ZNF707: variants seen among roughly 807,000 people sequenced by gnomAD.
The protein encoded by ZNF707 is zinc finger protein 707.
Under a neutral mutation model 13.3 loss-of-function variants are expected in ZNF707, and 8 were observed. The ratio of observed to expected loss-of-function variants is 0.60; its 90% CI spans 0.35 to 1.09. The LOEUF (loss-of-function observed/expected upper bound fraction) is 1.09, where lower values mean the gene tolerates loss of function less well. Among genes scored for constraint, ZNF707 ranks in the 50% least tolerant of loss-of-function variants. ZNF707 has a pLI of 0.02. For synonymous variants in ZNF707, 225 were observed against 205.6 expected (o/e 1.09, Z -0.81); for missense variants, 530 against 512.6 (o/e 1.03, Z -0.33).
rs551699867 is a variant in ZNF707, at chr8:143,688,252, A to G, written c.-150-952A>G. ...TAACATTGTGATTAAAGTTGATGCT[A>G]TGCTGTTGAAAGAGTGAAAAAAAAA... On this transcript the variant is annotated intron_variant, in intron 1 of 5. Coordinates refer to ENST00000358656, the MANE Select transcript of ZNF707 (RefSeq NM_001100598.2). 5.9e-5 allele frequency among the ~76,000 whole-genome samples: 9 copies of G among 152,256 alleles called. No homozygotes were observed. In the South Asian group the frequency reaches 1.5e-3, roughly 25 times the overall value.
rs1479123073 is a variant in ZNF707, at chr8:143,695,371, C to G, written c.*841C>G. On this transcript the variant is annotated 3_prime_UTR_variant, in exon 6 of 6. Transcript: ENST00000358656. ...AATGGGTCGGGACACTGCCGTGTTT[C>G]AGGTTAGCCAATTATTTTTGCTTTT... 6 of 152,236 alleles carry G rather than the reference C, an allele frequency of 3.9e-5. No homozygotes were observed. Among genetic ancestry groups the G allele is most frequent in the African/African-American group, 1.4e-4 (6 of 41,450 alleles). 9.4% of individuals were successfully genotyped at this position (152,236 alleles called of 1,614,324 possible). A position where few individuals can be genotyped will look rare whatever the true frequency, so the allele number is the denominator to read the frequency against.
rs187956380 is a variant in ZNF707, at chr8:143,694,179, C to T, written c.765C>T (p.Thr255=). The T allele has an allele frequency of 7.6e-6, 12 of 1,574,482 alleles. No homozygotes were observed. The highest frequency in any genetic ancestry group is 6.9e-6 in the Non-Finnish European group (8 of 1,159,746). The change falls in exon 6 of 6, where the codon ACC becomes ACT. Residue 255 remains threonine (T), a synonymous_variant. Transcript: ENST00000358656. This position sits in a 1 kb window ranked among gnomAD's most constrained non-coding sequence, Gnocchi z 4.4. ...TGGCTCAGCACCGCAAGGTCCACAC[C>T]GAGCACAGGCCCTACTCGTGTGGCG... is the stretch of plus-strand genomic sequence containing the variant. The part of the protein sequence containing the change: ...DRLAQHRKVH[T]EHRPYSCGDC...
chr8:143,691,785 C>T (rs570031060), intron 5 of ZNF707, 72 bp downstream of exon 5: 20 of 1,321,256 alleles, frequency 1.5e-5, no homozygotes, highest in African/African-American at 8.8e-5. Flanking sequence ...GTGCTCAGCA[C>T]GCTGCAGTGA....
Position 143,694,165 on chromosome 8 carries a change from C to T in ZNF707, c.751C>T (p.Arg251Cys), listed in dbSNP as rs369778467. Residue 251 changes from arginine to cysteine, a missense_variant, in exon 6 of 6, where the codon CGC becomes TGC. Coordinates refer to ENST00000358656, the MANE Select transcript of ZNF707 (RefSeq NM_001100598.2). This position sits in a 1 kb window ranked among gnomAD's most constrained non-coding sequence, Gnocchi z 4.4. ...FSLKDRLAQHRKVHTEHRPYS... is the reference protein window; with the variant it reads ...FSLKDRLAQHCKVHTEHRPYS... ...CCTGAAGGACCGCCTGGCTCAGCAC[C>T]GCAAGGTCCACACCGAGCACAGGCC... 6 of 1,581,028 alleles carry T rather than the reference C, an allele frequency of 3.8e-6. No individual in the cohort carries two copies. The highest frequency in any genetic ancestry group is 2.3e-5 in the East Asian group (1 of 43,996).
In ZNF707 at chr8:143,694,167, C is replaced by T. The variant is rs781842650; in HGVS notation, c.753C>T (p.Arg251=). ...FSLKDRLAQH[R]KVHTEHRPYS... Reference sequence around the variant, plus strand: ...TGAAGGACCGCCTGGCTCAGCACCGCAAGGTCCACACCGAGCACAGGCCCT... The same window carrying T: ...TGAAGGACCGCCTGGCTCAGCACCGTAAGGTCCACACCGAGCACAGGCCCT... The change falls in exon 6 of 6, where the codon CGC becomes CGT. Residue 251 remains arginine, a synonymous_variant. Coordinates refer to ENST00000358656, the MANE Select transcript of ZNF707 (RefSeq NM_001100598.2). This position sits in a 1 kb window ranked among gnomAD's most constrained non-coding sequence, Gnocchi z 4.4. 1.9e-6 allele frequency: 3 copies of T among 1,580,614 alleles called. No homozygotes were observed. In the South Asian group the frequency reaches 3.5e-5, roughly 18 times the overall value.
At chr8:143,688,091 A>G (rs1816460367) in intron 1 of ZNF707, 2 of 148,834 alleles carry the variant, frequency 1.3e-5, no homozygotes, top group African/African-American at 5.0e-5. Flanking sequence ...TCCTGCCTCA[A>G]CTTCCCGAGT....
intron 2 of ZNF707, 71 bp from the exon 3 acceptor site, chr8:143,689,986 G>A (rs538751217): frequency 1.6e-4 from 196 of 1,251,714 alleles, no homozygotes; most frequent in Middle Eastern, 9.3e-4. Context: ...CTGAGTGGGG[G>A]GGCTCCTGGG....
Position 143,691,147 on chromosome 8 carries a change from G to A in ZNF707, c.90G>A (p.Arg30=). Reference sequence around the variant, plus strand: ...GGGCGTGTCTGGAACCCAGCCAGAGGGCCCTCTACCGGGACGTGATGCTGG... The same window carrying A: ...GGGCGTGTCTGGAACCCAGCCAGAGAGCCCTCTACCGGGACGTGATGCTGG... ...EEWACLEPSQ[R]ALYRDVMLDN... is the part of the protein sequence containing the mutation. Residue 30 remains arginine, a synonymous_variant, in exon 4 of 6, where the codon AGG becomes AGA. Coordinates refer to ENST00000358656, the MANE Select transcript of ZNF707 (RefSeq NM_001100598.2). 6.2e-7 allele frequency: 1 copy of A among 1,613,826 alleles called. No individual in the cohort carries two copies. The highest frequency in any genetic ancestry group is 8.5e-7 in the Non-Finnish European group (1 of 1,179,820).
rs190607695 is a variant in ZNF707, at chr8:143,691,255, C to T, written c.142+56C>T. ...AGGGTGAGTGCTGGGAGAGCTCTGCCGCTGCCTCTGGGCCCAGCTCGTCCA... is the reference window on the plus strand; with the variant it reads ...AGGGTGAGTGCTGGGAGAGCTCTGCTGCTGCCTCTGGGCCCAGCTCGTCCA... On this transcript the variant is annotated intron_variant, in intron 4 of 5. Coordinates refer to ENST00000358656, the MANE Select transcript of ZNF707 (RefSeq NM_001100598.2). 30 of 1,555,776 alleles carry T rather than the reference C, an allele frequency of 1.9e-5. No homozygotes were observed. In the African/African-American group the frequency reaches 2.2e-4, roughly 11 times the overall value.
intron 3 of ZNF707, chr8:143,690,803 G>A (rs995170798): frequency 3.2e-5 from 16 of 496,040 alleles, no homozygotes; most frequent in Admixed American, 1.1e-4. Flanking sequence ...GTGCGGGGAG[G>A]GAGCCGGGGG....
Position 143,694,262 on chromosome 8 carries a change from C to CCGGGGAGCGGCCGTTCTACTGCG in ZNF707, c.852_874dup (p.Asp292GlyfsTer56). 2 of 1,592,674 alleles carry CCGGGGAGCGGCCGTTCTACTGCG rather than the reference C, an allele frequency of 1.3e-6. No homozygotes were observed. Among genetic ancestry groups the CCGGGGAGCGGCCGTTCTACTGCG allele is most frequent in the Non-Finnish European group, 1.7e-6 (2 of 1,169,514 alleles). ...CTTCTCAGACACCAGCTGGTGCACA[C>CCGGGGAGCGGCCGTTCTACTGCG]CGGGGAGCGGCCGTTCTACTGCGCG... On this transcript the variant is annotated frameshift_variant, in exon 6 of 6. Coordinates refer to ENST00000358656, the MANE Select transcript of ZNF707 (RefSeq NM_001100598.2). LOFTEE classifies it low-confidence loss of function (END_TRUNC). The surrounding 1 kb of genome is among the most constrained non-coding windows in gnomAD (Gnocchi z 4.4).
At chr8:143,690,959 CACAA>C (rs1816749403) in intron 3 of ZNF707, 110 bp from the exon 4 acceptor site, 22 of 1,346,130 alleles carry the variant, frequency 1.6e-5, no homozygotes, top group African/African-American at 1.2e-4. Context: ...ATTTAGGGGA[CACAA>C]ACAATCAGTC....
At chr8:143,690,316 A>T (rs920386199) in intron 3 of ZNF707, 193 bp downstream of exon 3, 2 of 641,176 alleles carry the variant, frequency 3.1e-6, no homozygotes, top group African/African-American at 3.7e-5. Flanking sequence ...TCACGCCTGT[A>T]ATCCTAGCAC....
Position 143,694,769 on chromosome 8 carries a change from G to A in ZNF707, c.*239G>A, listed in dbSNP as rs1173690993. The A allele has an allele frequency of 3.3e-5, 17 of 509,834 alleles. No individual in the cohort carries two copies. Among genetic ancestry groups the A allele is most frequent in the Non-Finnish European group, 3.7e-5 (11 of 294,040 alleles). The allele number at this position is 509,834 out of a possible 1,614,324, so 31.6% of individuals were successfully genotyped here. A position where few individuals can be genotyped will look rare whatever the true frequency, so the allele number is the denominator to read the frequency against. ...CTGGAGATGGCGGGGGCTGCGCCCC[G>A]GCGCCGGGCATCCTGGGGATGTGCT... On this transcript the variant is annotated 3_prime_UTR_variant, in exon 6 of 6. Transcript: ENST00000358656. This position sits in a 1 kb window ranked among gnomAD's most constrained non-coding sequence, Gnocchi z 4.4.
intron 1 of ZNF707, chr8:143,688,873 C>T (rs1420119208): frequency 2.0e-5 from 3 of 152,270 alleles, no homozygotes; most frequent in Admixed American, 6.6e-5. Context: ...CTGCCTCAGC[C>T]TCCTAGGGTG....
At chr8:143,690,005 C>T (rs1245526750) in intron 2 of ZNF707, 52 bp from the exon 3 acceptor site, 14 of 1,491,534 alleles carry the variant, frequency 9.4e-6, no homozygotes, top group South Asian at 5.7e-5. Flanking sequence ...GGGTCAGGTG[C>T]GGGGGGCATT....
rs1474977157 is a variant in ZNF707, at chr8:143,694,898, C to G, written c.*368C>G. 1 of 229,958 alleles carries G rather than the reference C, an allele frequency of 4.3e-6. No individual in the cohort carries two copies. The highest frequency in any genetic ancestry group is 2.3e-5 in the African/African-American group (1 of 44,124). 14.2% of individuals were successfully genotyped at this position (229,958 alleles called of 1,614,324 possible). On this transcript the variant is annotated 3_prime_UTR_variant, in exon 6 of 6. Coordinates refer to ENST00000358656, the MANE Select transcript of ZNF707 (RefSeq NM_001100598.2). The surrounding 1 kb of genome is among the most constrained non-coding windows in gnomAD (Gnocchi z 4.4). ...TGGCTCAGGGACTCCACCCTGGCCC[C>G]GAGTCGCCGTCTGCTGGGCCTTTCC...
intron 1 of ZNF707, among the ~76,000 whole-genome samples, chr8:143,686,198 A>G (rs1487859787): frequency 6.6e-6 from 1 of 152,046 alleles, no homozygotes; most frequent in Non-Finnish European, 1.5e-5. Context: ...CCCGGGTTCA[A>G]GCAGTTCTCC....
intron 1 of ZNF707, among the ~76,000 whole-genome samples, chr8:143,687,837 TC>T: frequency 6.6e-6 from 1 of 152,330 alleles, no homozygotes; most frequent in Middle Eastern, 3.4e-3. Flanking sequence ...TCTCTTCTGT[TC>T]CTTGTTTGCT....
Sources: gnomAD v4.1 joint callset for allele counts (sites outside exome capture counted in the v4.1 genomes callset) on GRCh38, gnomAD v4.1.1 for gene constraint, Gnocchi (gnomAD v3.1) non-coding constraint, MANE v1.5 for transcripts, NCBI Gene and HGNC (gene_info 2026-07-23, HGNC 2026-07-21) for gene names.